NDFIP2: variants seen among roughly 807,000 people sequenced by gnomAD.
NDFIP2 encodes NEDD4 family-interacting protein 2.
A neutral mutation model predicts 36.0 loss-of-function variants in NDFIP2; 19 were observed. That is an observed-to-expected ratio of 0.53 (90% CI 0.37 to 0.77). The LOEUF (loss-of-function observed/expected upper bound fraction) is 0.77. Ranked by LOEUF, NDFIP2 falls within the 30% of genes least tolerant of loss-of-function variation. The probability of loss-of-function intolerance (pLI) is 0.00; values close to 1 mark genes in which losing one functional copy is unlikely to be tolerated. For synonymous variants in NDFIP2, 181 were observed against 167.7 expected (o/e 1.08, Z -0.61); for missense variants, 446 against 435.8 (o/e 1.02, Z -0.21).
intron 1 of NDFIP2, among the ~76,000 whole-genome samples, chr13:79,516,971 A>G (rs1874369474): frequency 6.6e-6 from 1 of 152,232 alleles, no homozygotes; most frequent in Admixed American, 6.5e-5. Flanking sequence ...AACAATCTTT[A>G]TGCACTGGAA....
chr13:79,520,681 T>A, intron 1 of NDFIP2, 129 bp from the exon 2 acceptor site: 1 of 763,500 alleles, frequency 1.3e-6, no homozygotes, highest in South Asian at 3.8e-5. Flanking sequence ...TTTTGTATAC[T>A]ATCTAAAAAT....
chr13:79,551,246 A>G (rs1197268025), intron 7 of NDFIP2, 124 bp downstream of exon 7: 8 of 461,400 alleles, frequency 1.7e-5, no homozygotes, highest in Admixed American at 4.0e-5. Context: ...ATTTTTTAAT[A>G]CTGCTAACAG....
Position 79,555,891 on chromosome 13 carries a change from G to C in NDFIP2, c.*3378G>C, listed in dbSNP as rs953346670. ...CCTTTTCAAAATCAGTTTAAGATTC[G>C]CATATTATCATGACTGTGACCTCAC... On this transcript the variant is annotated 3_prime_UTR_variant, in exon 8 of 8. Transcript: ENST00000218652. 6.6e-6 allele frequency: 1 copy of C among 152,040 alleles called. No homozygotes were observed. The highest frequency in any genetic ancestry group is 1.5e-5 in the Non-Finnish European group (1 of 67,976). 9.4% of individuals were successfully genotyped at this position (152,040 alleles called of 1,614,324 possible). A position where few individuals can be genotyped will look rare whatever the true frequency, so the allele number is the denominator to read the frequency against.
chr13:79,545,048 C>G (rs889394705), intron 5 of NDFIP2, among the ~76,000 whole-genome samples: 1 of 152,114 alleles, frequency 6.6e-6, no homozygotes, highest in Admixed American at 6.5e-5. Flanking sequence ...GATAAAGGCA[C>G]AGTCCCTTCC....
intron 5 of NDFIP2, among the ~76,000 whole-genome samples, chr13:79,547,081 T>C (rs1195803566): frequency 6.6e-6 from 1 of 151,964 alleles, no homozygotes; most frequent in African/African-American, 2.4e-5. Context: ...AATATGAAAT[T>C]ACTATAAATA....
At chr13:79,506,467 G>A (rs1367167918) in intron 1 of NDFIP2, among the ~76,000 whole-genome samples, 3 of 151,718 alleles carry the variant, frequency 2.0e-5, no homozygotes, top group Non-Finnish European at 4.4e-5. Flanking sequence ...TTCTATTTTG[G>A]ACAAGTAGTT....
chr13:79,530,949 C>A (rs1310901585), intron 2 of NDFIP2, among the ~76,000 whole-genome samples: 1 of 152,148 alleles, frequency 6.6e-6, no homozygotes, highest in African/African-American at 2.4e-5. Context: ...ATAGTGAATC[C>A]TTTCCAGAAG....
intron 1 of NDFIP2, among the ~76,000 whole-genome samples, chr13:79,501,390 C>T (rs970007462): frequency 5.3e-5 from 8 of 151,864 alleles, no homozygotes; most frequent in African/African-American, 1.9e-4. Flanking sequence ...ATGGGGGAGG[C>T]TTTGCCTGTG....
intron 1 of NDFIP2, among the ~76,000 whole-genome samples, chr13:79,492,771 A>G (rs1594840360): frequency 6.6e-6 from 1 of 152,268 alleles, no homozygotes; most frequent in East Asian, 1.9e-4. Context: ...CTACGTTGTT[A>G]CTGCATTGCA....
chr13:79,533,571 G>A (rs1566665114), intron 3 of NDFIP2, 115 bp downstream of exon 3: 1 of 917,512 alleles, frequency 1.1e-6, no homozygotes, highest in Non-Finnish European at 1.5e-6. Context: ...TTTTTTTTGA[G>A]CATTATGGGT....
intron 4 of NDFIP2, among the ~76,000 whole-genome samples, chr13:79,541,363 T>G (rs1369888363): frequency 6.6e-6 from 1 of 151,498 alleles, no homozygotes; most frequent in Admixed American, 6.6e-5. Flanking sequence ...ACTGGATGAC[T>G]TTATTCTTAG....
At chr13:79,541,848 CCTT>C (rs1260815171) in intron 4 of NDFIP2, among the ~76,000 whole-genome samples, 3 of 152,046 alleles carry the variant, frequency 2.0e-5, no homozygotes, top group African/African-American at 4.8e-5. Flanking sequence ...TTAATTCTTT[CCTT>C]CTTTATTTTC....
intron 2 of NDFIP2, among the ~76,000 whole-genome samples, chr13:79,526,503 A>G (rs1026270672): frequency 6.6e-6 from 1 of 152,200 alleles, no homozygotes; most frequent in Non-Finnish European, 1.5e-5. Flanking sequence ...GAGGAACTAC[A>G]ACATTTAACA....
At chr13:79,508,214 A>G (rs1280112613) in intron 1 of NDFIP2, among the ~76,000 whole-genome samples, 1 of 152,194 alleles carries the variant, frequency 6.6e-6, no homozygotes, top group Non-Finnish European at 1.5e-5. Flanking sequence ...ACATTCTTGT[A>G]CATGCCTCTT....
intron 2 of NDFIP2, among the ~76,000 whole-genome samples, chr13:79,530,170 A>G (rs113590833): frequency 0.026 from 4,014 of 151,952 alleles, 177 homozygotes; most frequent in African/African-American, 0.092. Context: ...TTTTTTAGAG[A>G]CAGAATTCAG....
At position 79,555,506 on chromosome 13, in the gene NDFIP2, G is replaced by T. The variant is rs1020219041; in HGVS notation, c.*2993G>T. On this transcript the variant is annotated 3_prime_UTR_variant, in exon 8 of 8. Coordinates refer to ENST00000218652, the MANE Select transcript of NDFIP2 (RefSeq NM_019080.3). ...CCTTTGAGGGATGGAACTGGGGTAAGGGCAGGAGCCAGTTATTATTGCCAC... is the reference window on the plus strand; with the variant it reads ...CCTTTGAGGGATGGAACTGGGGTAATGGCAGGAGCCAGTTATTATTGCCAC... 6.6e-6 allele frequency: 1 copy of T among 151,788 alleles called. No individual in the cohort carries two copies. Among genetic ancestry groups the T allele is most frequent in the South Asian group, 2.1e-4 (1 of 4,792 alleles). The allele number at this position is 151,788 out of a possible 1,614,324, so 9.4% of individuals were successfully genotyped here. A position where few individuals can be genotyped will look rare whatever the true frequency, so the allele number is the denominator to read the frequency against.
rs1876013317 is a variant in NDFIP2 at position 79,554,090 on chromosome 13, A to G, written c.*1577A>G. The G allele has an allele frequency of 1.3e-5, 2 of 151,502 alleles. No individual in the cohort carries two copies. Among genetic ancestry groups the G allele is most frequent in the South Asian group, 2.1e-4 (1 of 4,824 alleles). The allele number at this position is 151,502 out of a possible 1,614,324, so 9.4% of individuals were successfully genotyped here. On this transcript the variant is annotated 3_prime_UTR_variant, in exon 8 of 8. Transcript: ENST00000218652. ...AATAAAACAGTTTTGTTTTGCTAAT[A>G]TAGCCTATTTTTTGTTTTGTCTCAT...
At chr13:79,536,867 GA>G (rs966576462) in intron 3 of NDFIP2, among the ~76,000 whole-genome samples, 142 of 144,470 alleles carry the variant, frequency 9.8e-4, no homozygotes, top group South Asian at 5.7e-3. Flanking sequence ...CCACTAAAAA[GA>G]AAAAAAAAAA....
chr13:79,527,188 A>G (rs747207755), intron 2 of NDFIP2, among the ~76,000 whole-genome samples: 1 of 152,246 alleles, frequency 6.6e-6, no homozygotes, highest in Non-Finnish European at 1.5e-5. Flanking sequence ...AGCATCACAC[A>G]TGCTCAAAAT....
Sources: allele counts gnomAD v4.1 joint callset (sites outside exome capture counted in the v4.1 genomes callset), GRCh38; gene constraint gnomAD v4.1.1; transcripts MANE v1.5; gene names NCBI Gene and HGNC (gene_info 2026-07-23, HGNC 2026-07-21).